The following GMEB1 variants were observed in gnomAD, a reference collection of about 807,000 sequenced individuals.
GMEB1 encodes the protein glucocorticoid modulatory element binding protein 1.
A neutral mutation model predicts 52.4 loss-of-function variants in GMEB1; 6 were observed. The observed-to-expected ratio is 0.11, with a 90% CI of 0.06 to 0.23. GMEB1 has a LOEUF of 0.23. GMEB1 is among the 10% of genes least tolerant of loss of function. GMEB1 has a pLI of 1.00. For synonymous variants in GMEB1, 255 were observed against 244.9 expected, an observed-to-expected ratio of 1.04 and a Z score of -0.38; for missense variants, 486 against 685.6, an observed-to-expected ratio of 0.71 and a Z score of 3.25.
chr1:28,690,198 T>C lies in GMEB1; in HGVS notation c.211+12T>C, dbSNP rs375170592. 183 of 1,204,582 alleles carry C rather than the reference T, an allele frequency of 1.5e-4. No homozygotes were observed. The highest frequency in any genetic ancestry group is 2.8e-4 in the Admixed American group (12 of 42,590). 74.6% of individuals were successfully genotyped at this position (1,204,582 alleles called of 1,614,324 possible). On this transcript the variant is annotated intron_variant, in intron 3 of 9. Coordinates refer to ENST00000373816, the MANE Select transcript of GMEB1 (RefSeq NM_001319674.2). ...TGAAGAAGGGATTGGTAAGGGTTTT[T>C]TTGTGTTTTTTTTTTTTTTTTTTTT...
At chr1:28,702,050 T>C (rs1240148886) in intron 6 of GMEB1, among the ~76,000 whole-genome samples, 1 of 152,174 alleles carries the variant, frequency 6.6e-6, no homozygotes, top group African/African-American at 2.4e-5. Flanking sequence ...TACCTTTCTC[T>C]TAAATTATTT....
chr1:28,705,106 A>G (rs1670686714), intron 8 of GMEB1, among the ~76,000 whole-genome samples: 1 of 149,052 alleles, frequency 6.7e-6, no homozygotes, highest in African/African-American at 2.5e-5. Context: ...AAAAAAACAC[A>G]GGCCAGGTGC....
chr1:28,683,459 A>G (rs1408796178), intron 1 of GMEB1, 124 bp from the exon 2 acceptor site: 11 of 697,202 alleles, frequency 1.6e-5, no homozygotes, highest in Non-Finnish European at 2.6e-5. Flanking sequence ...TCCCAACCTC[A>G]GGCGATCCGC....
At chr1:28,687,527 T>C (rs1240194630) in intron 2 of GMEB1, among the ~76,000 whole-genome samples, 7 of 152,100 alleles carry the variant, frequency 4.6e-5, no homozygotes, top group Non-Finnish European at 1.5e-5. Context: ...TTGGGAAGAA[T>C]TGAAACCAGG....
In GMEB1 at chr1:28,714,482, T is replaced by A. The variant is rs371591295; in HGVS notation, c.1401T>A (p.Thr467=). 11 of 1,614,098 alleles carry A rather than the reference T, an allele frequency of 6.8e-6. No individual in the cohort carries two copies. Among genetic ancestry groups the A allele is most frequent in the Non-Finnish European group, 8.5e-6 (10 of 1,180,054 alleles). ...CTAGCTTGGCGCTGCTGAGCTCTACTGCCATGCAGGATGGGAGTACACTGG... is the reference window on the plus strand; with the variant it reads ...CTAGCTTGGCGCTGCTGAGCTCTACAGCCATGCAGGATGGGAGTACACTGG... ...PSSSLALLSS[T]AMQDGSTLGN... is the part of the protein sequence containing the mutation. Residue 467 remains threonine (T), a synonymous_variant, in exon 10 of 10, where the codon ACT becomes ACA. Coordinates refer to ENST00000373816, the MANE Select transcript of GMEB1 (RefSeq NM_001319674.2).
At chr1:28,677,300 C>T (rs1669203541) in intron 1 of GMEB1, among the ~76,000 whole-genome samples, 1 of 151,496 alleles carries the variant, frequency 6.6e-6, no homozygotes, top group Non-Finnish European at 1.5e-5. Flanking sequence ...CTCTGTCGCC[C>T]AGGTTGGAGT....
rs186987064 is a variant in GMEB1, at chr1:28,683,592, C to T, written c.-21C>T. 8.2e-6 allele frequency: 13 copies of T among 1,587,914 alleles called. No individual in the cohort carries two copies. In the East Asian group the frequency reaches 2.8e-4, roughly 34 times the overall value. ...TTCTTGTTCCCGACAGCAGTCCCAGCTATCTGACTTCATGTGAAAGATGGC... is the reference window on the plus strand; with the variant it reads ...TTCTTGTTCCCGACAGCAGTCCCAGTTATCTGACTTCATGTGAAAGATGGC... On this transcript the variant is annotated 5_prime_UTR_variant, in exon 2 of 10. Transcript: ENST00000373816.
intron 2 of GMEB1, among the ~76,000 whole-genome samples, chr1:28,684,969 T>C (rs1299810774): frequency 6.6e-6 from 1 of 152,134 alleles, no homozygotes; most frequent in Non-Finnish European, 1.5e-5. Flanking sequence ...ATGTTGACTT[T>C]TTTAGTTTTT....
At chr1:28,701,387 A>G (rs11589981) in intron 6 of GMEB1, among the ~76,000 whole-genome samples, 1,630 of 147,964 alleles carry the variant, frequency 0.011, 13 homozygotes, top group Non-Finnish European at 0.016. Context: ...CTCCTGCCTC[A>G]GCCTCCTGAG....
chr1:28,687,375 C>CAAAAAAAAAAAAAAAAA (rs1442461404), intron 2 of GMEB1, among the ~76,000 whole-genome samples: 1 of 19,190 alleles, frequency 5.2e-5, no homozygotes, highest in Admixed American at 6.9e-4. Context: ...CACACACACA[C>CAAAAAAAAAAAAAAAAA]ACACACACAC....
Position 28,710,613 on chromosome 1 carries a change from GAGA to G in GMEB1, c.967_969del (p.Glu323del), listed in dbSNP as rs1239940769. ...AACAGAAGGAACCAAGTAGAGCAGG[GAGA>G]AGAACAGTTTCTCTATACTCTGACA... On this transcript the variant is annotated inframe_deletion, in exon 9 of 10. Transcript: ENST00000373816. 3.7e-6 allele frequency: 6 copies of G among 1,605,072 alleles called. No individual in the cohort carries two copies. The highest frequency in any genetic ancestry group is 1.7e-4 in the Middle Eastern group (1 of 6,058).
chr1:28,706,687 C>T (rs1421891088), intron 8 of GMEB1, among the ~76,000 whole-genome samples: 13 of 151,142 alleles, frequency 8.6e-5, no homozygotes, highest in African/African-American at 2.9e-4. Flanking sequence ...TATTTAGAGA[C>T]GGAGTCTCAC....
chr1:28,692,165 T>C (rs1408857578), intron 4 of GMEB1, among the ~76,000 whole-genome samples: 1 of 151,902 alleles, frequency 6.6e-6, no homozygotes, highest in Non-Finnish European at 1.5e-5. Context: ...TGTGCACCAC[T>C]GTGCCTGGCT....
At position 28,714,487 on chromosome 1, in the gene GMEB1, T is replaced by C. The variant is rs1365235654; in HGVS notation, c.1406T>C (p.Met469Thr). 6.2e-7 allele frequency: 1 copy of C among 1,614,188 alleles called. No homozygotes were observed. The highest frequency in any genetic ancestry group is 8.5e-7 in the Non-Finnish European group (1 of 1,180,036). ...TTGGCGCTGCTGAGCTCTACTGCCA[T>C]GCAGGATGGGAGTACACTGGGCAAC... ...SSLALLSSTA[M>T]QDGSTLGNMT... The change falls in exon 10 of 10, where the codon ATG becomes ACG. Residue 469 changes from methionine to threonine, a missense_variant. Coordinates refer to ENST00000373816, the MANE Select transcript of GMEB1 (RefSeq NM_001319674.2).
At position 28,715,948 on chromosome 1, in the gene GMEB1, A is replaced by C. The variant is rs1217534693; in HGVS notation, c.*1175A>C. On this transcript the variant is annotated 3_prime_UTR_variant, in exon 10 of 10. Coordinates refer to ENST00000373816, the MANE Select transcript of GMEB1 (RefSeq NM_001319674.2). The stretch of plus-strand genomic sequence containing the variant: ...CTCTACTGAAAATACAAAAAAAAAA[A>C]ATTAGCTGGGCATGGTGGCACGCGC... 1 of 152,054 alleles carries C rather than the reference A, an allele frequency of 6.6e-6. No individual in the cohort carries two copies. The highest frequency in any genetic ancestry group is 2.4e-5 in the African/African-American group (1 of 41,350). 9.4% of individuals were successfully genotyped at this position (152,054 alleles called of 1,614,324 possible).
Position 28,697,099 on chromosome 1 carries a change from A to G in GMEB1, c.598+15A>G. 6.4e-7 allele frequency: 1 copy of G among 1,569,870 alleles called. No individual in the cohort carries two copies. The highest frequency in any genetic ancestry group is 8.7e-7 in the Non-Finnish European group (1 of 1,154,736). The stretch of plus-strand genomic sequence containing the variant: ...TTCGGCTGATGGTAGGGGGTAGGAA[A>G]CCACCTGAAAACCCATTGTGTTTTT... On this transcript the variant is annotated intron_variant, in intron 6 of 9. Coordinates refer to ENST00000373816, the MANE Select transcript of GMEB1 (RefSeq NM_001319674.2).
At chr1:28,711,822 G>A (rs1249603917) in intron 9 of GMEB1, among the ~76,000 whole-genome samples, 1 of 152,166 alleles carries the variant, frequency 6.6e-6, no homozygotes, top group African/African-American at 2.4e-5. Context: ...AATCAGATGT[G>A]TAGGGGTTTT....
At chr1:28,672,197 T>TTTTATTTATTTATTTATTTA (rs201524415) in intron 1 of GMEB1, among the ~76,000 whole-genome samples, 1 of 136,038 alleles carries the variant, frequency 7.4e-6, no homozygotes, top group Non-Finnish European at 1.6e-5. Flanking sequence ...TAACTTTTAT[T>TTTTATTTATTTATTTATTTA]TTTATTTATT....
chr1:28,714,753 AT>A lies in GMEB1; in HGVS notation c.1674del (p.Ile558MetfsTer4). The A allele has an allele frequency of 6.2e-7, 1 of 1,612,584 alleles. No homozygotes were observed. Among genetic ancestry groups the A allele is most frequent in the Non-Finnish European group, 8.5e-7 (1 of 1,178,750 alleles). On this transcript the variant is annotated frameshift_variant, in exon 10 of 10. Coordinates refer to ENST00000373816, the MANE Select transcript of GMEB1 (RefSeq NM_001319674.2). LOFTEE classifies it high-confidence loss of function. ...EHQHQVHNVE[I>X]VVLED ...CCAGCATCAAGTTCACAATGTGGAG[AT>A]TGTGGTCTTAGAGGATTAACTGGGG... is the stretch of plus-strand genomic sequence containing the variant.
Sources: allele counts gnomAD v4.1 joint callset (sites outside exome capture counted in the v4.1 genomes callset), GRCh38; gene constraint gnomAD v4.1.1; transcripts MANE v1.5; gene names NCBI Gene and HGNC (gene_info 2026-07-23, HGNC 2026-07-21).